DGKK: variants seen among roughly 807,000 people sequenced by gnomAD.
The protein encoded by DGKK is diacylglycerol kinase kappa, also known as 142 kDa diacylglycerol kinase.
In DGKK, 35 loss-of-function variants were observed where a neutral mutation model predicts 92.2. The ratio of observed to expected loss-of-function variants is 0.38; its 90% CI spans 0.29 to 0.50. The LOEUF (loss-of-function observed/expected upper bound fraction) is 0.50, where lower values mean the gene tolerates loss of function less well. DGKK is among the 20% of genes least tolerant of loss of function. DGKK has a pLI of 0.92. For missense variants in DGKK, 910 were observed against 992.2 expected, an observed-to-expected ratio of 0.92 and a Z score of 1.11; for synonymous variants, 368 against 360.6, an observed-to-expected ratio of 1.02 and a Z score of -0.23.
chrX:50,430,443 G>T (rs1221162003), intron 1 of DGKK, among the ~76,000 whole-genome samples: 3 of 111,920 alleles, frequency 2.7e-5, no homozygotes, highest in Non-Finnish European at 5.6e-5. Context: ...TAACATTATG[G>T]TTTCTACTAT....
chrX:50,376,286 T>C (rs1924270920), intron 23 of DGKK, 121 bp from the exon 24 acceptor site: 8 of 672,343 alleles, frequency 1.2e-5, no homozygotes, highest in South Asian at 1.0e-4. Context: ...CTTGGACTCA[T>C]GACTCCCTCC....
intron 1 of DGKK, among the ~76,000 whole-genome samples, chrX:50,469,046 C>A (rs1425619681): frequency 2.7e-5 from 3 of 111,002 alleles, no homozygotes; most frequent in Non-Finnish European, 5.7e-5. Context: ...TAAGAGCAGA[C>A]GGGGTTTCAG....
intron 16 of DGKK, among the ~76,000 whole-genome samples, chrX:50,384,492 T>C (rs1200399189): frequency 9.0e-6 from 1 of 110,955 alleles, no homozygotes; most frequent in Admixed American, 9.6e-5. Context: ...TGAAAACAAC[T>C]TCAAATCTTG....
intron 1 of DGKK, among the ~76,000 whole-genome samples, chrX:50,458,925 T>G (rs1266015199): frequency 9.0e-6 from 1 of 111,654 alleles, no homozygotes; most frequent in Non-Finnish European, 1.9e-5. Context: ...TAATACCAGT[T>G]TTCTCTCCTC....
intron 1 of DGKK, among the ~76,000 whole-genome samples, chrX:50,464,555 C>T (rs896022902): frequency 9.1e-6 from 1 of 109,335 alleles, no homozygotes; most frequent in South Asian, 3.9e-4. Flanking sequence ...AAAAGATTTC[C>T]TTTTTTTGTT....
intron 27 of DGKK, 99 bp from the exon 28 acceptor site, chrX:50,369,118 A>G (rs1924048112): frequency 1.6e-6 from 1 of 617,852 alleles, no homozygotes; most frequent in Non-Finnish European, 2.5e-6. Flanking sequence ...CTGTTAGAAG[A>G]TAGACTGGTT....
intron 27 of DGKK, 94 bp from the exon 28 acceptor site, chrX:50,369,113 A>G: frequency 1.5e-6 from 1 of 645,572 alleles, no homozygotes. Context: ...AAAGTCTGTT[A>G]GAAGATAGAC....
chrX:50,455,321 T>C (rs1160018464), intron 1 of DGKK, among the ~76,000 whole-genome samples: 1 of 112,129 alleles, frequency 8.9e-6, no homozygotes, highest in Admixed American at 9.4e-5. Flanking sequence ...TCTTTTAATA[T>C]CTGTATCTAT....
chrX:50,376,869 T>C lies in DGKK; in HGVS notation c.3161A>G (p.Gln1054Arg), dbSNP rs781979527. ...GTCCAGCTGGGGTTGAGGGGCAGCT[T>C]GAATTTCAGTATGCTTGTATTCCCA... ...KMWEYKHTEI[Q>R]AAPQPQLDFQ... Residue 1054 changes from glutamine (Q) to arginine (R), a missense_variant, in exon 23 of 28, where the codon CAA becomes CGA. Transcript: ENST00000611977. The C allele has an allele frequency of 8.3e-7, 1 of 1,207,712 alleles. No individual in the cohort carries two copies. Among genetic ancestry groups the C allele is most frequent in the Admixed American group, 2.2e-5 (1 of 45,762 alleles).
Position 50,453,420 on chromosome X carries a change from T to C in DGKK, c.645+16614A>G, listed in dbSNP as rs1371359475. On this transcript the variant is annotated intron_variant, in intron 1 of 27. Coordinates refer to ENST00000611977, the MANE Select transcript of DGKK (RefSeq NM_001013742.4). ...TGCATGTGTATAAGGCATTAGAGTA[T>C]GATACAAAAATCAAGGGGTAGTTTA... 2.7e-5 allele frequency among the ~76,000 whole-genome samples: 3 copies of C among 111,620 alleles called. No homozygotes were observed. In the East Asian group the frequency reaches 8.5e-4, roughly 32 times the overall value.
intron 1 of DGKK, among the ~76,000 whole-genome samples, chrX:50,427,471 A>G (rs1195321660): frequency 9.1e-6 from 1 of 110,140 alleles, no homozygotes; most frequent in Non-Finnish European, 1.9e-5. Flanking sequence ...CATAGAATGT[A>G]CAACACCAAG....
chrX:50,457,380 C>T (rs1166821907), intron 1 of DGKK, among the ~76,000 whole-genome samples: 3 of 111,231 alleles, frequency 2.7e-5, no homozygotes, highest in Non-Finnish European at 5.7e-5. Context: ...CAAAGTCCTT[C>T]GACCATCAAA....
At chrX:50,383,945 T>C (rs1924474263) in intron 17 of DGKK, among the ~76,000 whole-genome samples, 1 of 112,350 alleles carries the variant, frequency 8.9e-6, no homozygotes, top group Admixed American at 9.4e-5. Context: ...GTGCAAGTAC[T>C]TTTCATATAT....
chrX:50,469,477 C>T, intron 1 of DGKK, among the ~76,000 whole-genome samples: 1 of 112,497 alleles, frequency 8.9e-6, no homozygotes, highest in Non-Finnish European at 1.9e-5. Flanking sequence ...AGTACCAGCT[C>T]GAAGCAGCCG....
intron 1 of DGKK, among the ~76,000 whole-genome samples, chrX:50,465,527 G>T (rs1368433129): frequency 1.8e-5 from 2 of 109,485 alleles, no homozygotes; most frequent in African/African-American, 6.7e-5. Context: ...TCCTTAGCAG[G>T]ATTTCAATTT....
At chrX:50,387,974 C>G (rs1035786850) in intron 13 of DGKK, among the ~76,000 whole-genome samples, 1 of 112,201 alleles carries the variant, frequency 8.9e-6, no homozygotes, top group African/African-American at 3.2e-5. Context: ...CAGGTTTTCA[C>G]CTAGGTTCAA....
chrX:50,470,334 T>TG lies in DGKK; in HGVS notation c.344dup (p.Glu116ArgfsTer53). 1 of 1,209,041 alleles carries TG rather than the reference T, an allele frequency of 8.3e-7. No individual in the cohort carries two copies. The highest frequency in any genetic ancestry group is 1.1e-6 in the Non-Finnish European group (1 of 894,629). On this transcript the variant is annotated frameshift_variant, in exon 1 of 28. Coordinates refer to ENST00000611977, the MANE Select transcript of DGKK (RefSeq NM_001013742.4). LOFTEE classifies it high-confidence loss of function. Reference sequence around the variant, plus strand: ...CTGGGGCAGACTCTGTGGCAGGTTCTGGGGCCGGTTCTGGGGCCGGCTCTG... The same window carrying TG: ...CTGGGGCAGACTCTGTGGCAGGTTCTGGGGGCCGGTTCTGGGGCCGGCTCTG...
At chrX:50,400,928 A>G in intron 8 of DGKK, 109 bp downstream of exon 8, 1 of 734,495 alleles carries the variant, frequency 1.4e-6, no homozygotes, top group Non-Finnish European at 2.1e-6. Context: ...TACTTCCCCA[A>G]AATGTTTGAC....
At chrX:50,434,705 A>G (rs1925974484) in intron 1 of DGKK, among the ~76,000 whole-genome samples, 1 of 111,253 alleles carries the variant, frequency 9.0e-6, no homozygotes, top group Admixed American at 9.5e-5. Context: ...ACAGTCCTTT[A>G]GAGAGGTACC....
Sources: gnomAD v4.1 joint callset for allele counts (sites outside exome capture counted in the v4.1 genomes callset) on GRCh38, gnomAD v4.1.1 for gene constraint, MANE v1.5 for transcripts, NCBI Gene and HGNC (gene_info 2026-07-23, HGNC 2026-07-21) for gene names.